The following PRSS27 variants were observed in gnomAD, a reference collection of about 807,000 sequenced individuals.
PRSS27 encodes the protein channel-activating protease 2.
A neutral mutation model predicts 32.0 loss-of-function variants in PRSS27; 25 were observed. The observed-to-expected ratio is 0.78, with a 90% CI of 0.57 to 1.09. PRSS27 has a LOEUF of 1.09. Ranked by LOEUF, PRSS27 falls within the 50% of genes least tolerant of loss-of-function variation. The pLI is 0.00. For synonymous variants in PRSS27, 178 were observed against 172.2 expected, an observed-to-expected ratio of 1.03 and a Z score of -0.26; for missense variants, 401 against 394.9, an observed-to-expected ratio of 1.02 and a Z score of -0.13.
intron 2 of PRSS27, 103 bp from the exon 3 acceptor site, chr16:2,715,983 T>G (rs2067700039): frequency 2.9e-6 from 3 of 1,050,746 alleles, no homozygotes; most frequent in Non-Finnish European, 4.0e-6. Context: ...CTCCTGCCCC[T>G]GACCTGCCCG....
intron 1 of PRSS27, among the ~76,000 whole-genome samples, chr16:2,719,109 C>G (rs1325586456): frequency 2.0e-5 from 3 of 152,206 alleles, no homozygotes. Context: ...GGAGTCCAGC[C>G]TCTGGTCACA....
rs540666969 is a variant in PRSS27 at position 2,712,879 on chromosome 16, C to T, written c.679-65G>A. The T allele has an allele frequency of 3.1e-6, 4 of 1,306,220 alleles. No individual in the cohort carries two copies. Among genetic ancestry groups the T allele is most frequent in the Non-Finnish European group, 4.1e-6 (4 of 973,444 alleles). 80.9% of individuals were successfully genotyped at this position (1,306,220 alleles called of 1,614,324 possible). On this transcript the variant is annotated intron_variant, in intron 5 of 5. Coordinates refer to ENST00000302641, the MANE Select transcript of PRSS27 (RefSeq NM_031948.5). This position sits in a 1 kb window ranked among gnomAD's most constrained non-coding sequence, Gnocchi z 4.6. ...GTTCCCAGAGACTCAGTTGCAGCCG[C>T]ACAGGAGGTGTGTAGCTCCGCAATG...
At chr16:2,713,236 C>T (rs981540840) in intron 5 of PRSS27, 16 of 462,528 alleles carry the variant, frequency 3.5e-5, no homozygotes, top group Non-Finnish European at 5.2e-5. Context: ...GTAGCTGGGA[C>T]TACAGGCGCC....
chr16:2,713,101 C>CTTTTTTTTTTTTT, intron 5 of PRSS27: 2 of 416,312 alleles, frequency 4.8e-6, no homozygotes, highest in Non-Finnish European at 4.3e-6. Flanking sequence ...TCTGCTTTTT[C>CTTTTTTTTTTTTT]TTTTTTTTTT....
Position 2,714,562 on chromosome 16 carries a change from T to C in PRSS27, c.237-226A>G. 1 of 594,086 alleles carries C rather than the reference T, an allele frequency of 1.7e-6. No homozygotes were observed. Among genetic ancestry groups the C allele is most frequent in the Non-Finnish European group, 3.0e-6 (1 of 332,050 alleles). 36.8% of individuals were successfully genotyped at this position (594,086 alleles called of 1,614,324 possible). ...TCCACCCCTGGCCGCTGTGTGGCCT[T>C]GGGCAAGTCACTTAACAAGTTCTCT... is the stretch of plus-strand genomic sequence containing the variant. On this transcript the variant is annotated intron_variant, in intron 3 of 5. Coordinates refer to ENST00000302641, the MANE Select transcript of PRSS27 (RefSeq NM_031948.5). This position sits in a 1 kb window ranked among gnomAD's most constrained non-coding sequence, Gnocchi z 4.7.
chr16:2,716,569 T>C, intron 1 of PRSS27, 43 bp from the exon 2 acceptor site: 1 of 1,575,004 alleles, frequency 6.3e-7, no homozygotes, highest in Admixed American at 1.8e-5. Flanking sequence ...AGCTGCAGCC[T>C]GGCCTGCCCT....
chr16:2,718,979 G>A (rs2067719099), intron 1 of PRSS27, among the ~76,000 whole-genome samples: 1 of 152,178 alleles, frequency 6.6e-6, no homozygotes, highest in Non-Finnish European at 1.5e-5. Flanking sequence ...CAGGAGCATT[G>A]TTTGGGGCCT....
At chr16:2,719,479 G>A (rs535632291) in intron 1 of PRSS27, among the ~76,000 whole-genome samples, 1 of 152,246 alleles carries the variant, frequency 6.6e-6, no homozygotes, top group East Asian at 1.9e-4. Context: ...AGAGTGTCCC[G>A]GCCCGCAGGG....
intron 1 of PRSS27, chr16:2,718,592 C>G (rs143892616): frequency 6.6e-6 from 1 of 152,254 alleles, no homozygotes; most frequent in African/African-American, 2.4e-5. Flanking sequence ...GCTGGCATTA[C>G]AGGCGTGAGC....
rs1361467501 is a variant in PRSS27 at position 2,712,494 on chromosome 16, G to T, written c.*126C>A. The T allele has an allele frequency of 1.4e-6, 1 of 723,460 alleles. No individual in the cohort carries two copies. Among genetic ancestry groups the T allele is most frequent in the South Asian group, 2.1e-5 (1 of 48,694 alleles). The allele number at this position is 723,460 out of a possible 1,614,324, so 44.8% of individuals were successfully genotyped here. ...GGTATTTGAGAGGGGAGGAAGGAGC[G>T]CTATTTACAAATGAGTCTGGTGGGG... is the stretch of plus-strand genomic sequence containing the variant. On this transcript the variant is annotated 3_prime_UTR_variant, in exon 6 of 6. Coordinates refer to ENST00000302641, the MANE Select transcript of PRSS27 (RefSeq NM_031948.5). This position sits in a 1 kb window ranked among gnomAD's most constrained non-coding sequence, Gnocchi z 4.6.
At chr16:2,713,849 C>T in intron 4 of PRSS27, 151 bp from the exon 5 acceptor site, 1 of 1,024,044 alleles carries the variant, frequency 9.8e-7, no homozygotes, top group Non-Finnish European at 1.4e-6. Flanking sequence ...CTCCCTCCTT[C>T]CAGGCAGCAG....
In PRSS27 at chr16:2,713,684, G is replaced by A; in HGVS notation, c.523C>T (p.Pro175Ser). 1.2e-6 allele frequency: 2 copies of A among 1,614,238 alleles called. No individual in the cohort carries two copies. Among genetic ancestry groups the A allele is most frequent in the Non-Finnish European group, 1.7e-6 (2 of 1,180,034 alleles). ...ACAGCGAGTTTCTGCAGGATCCGCG[G>A]TTCGGGCAGGAGGTCTGGAGAGGGG... ...SPSEEDLLPE[P>S]RILQKLAVPI... Residue 175 changes from proline to serine, a missense_variant, in exon 5 of 6, where the codon CCG becomes TCG. Coordinates refer to ENST00000302641, the MANE Select transcript of PRSS27 (RefSeq NM_031948.5).
chr16:2,715,968 C>G (rs1287594182), intron 2 of PRSS27, 88 bp from the exon 3 acceptor site: 9 of 1,206,440 alleles, frequency 7.5e-6, no homozygotes, highest in Non-Finnish European at 1.0e-5. Flanking sequence ...CTCCAGTCCT[C>G]GGCCCTCCTG....
intron 3 of PRSS27, 48 bp downstream of exon 3, chr16:2,715,670 C>T: frequency 6.7e-7 from 1 of 1,486,864 alleles, no homozygotes; most frequent in Non-Finnish European, 9.0e-7. Flanking sequence ...CGGTCGCGCG[C>T]GGGGCGCTGT....
chr16:2,714,555 G>A lies in PRSS27; in HGVS notation c.237-219C>T. Reference sequence around the variant, plus strand: ...TTCCACCTCCACCCCTGGCCGCTGTGTGGCCTTGGGCAAGTCACTTAACAA... The same window carrying A: ...TTCCACCTCCACCCCTGGCCGCTGTATGGCCTTGGGCAAGTCACTTAACAA... On this transcript the variant is annotated intron_variant, in intron 3 of 5. Transcript: ENST00000302641. This position sits in a 1 kb window ranked among gnomAD's most constrained non-coding sequence, Gnocchi z 4.7. The A allele has an allele frequency of 1.7e-6, 1 of 604,568 alleles. No individual in the cohort carries two copies. Among genetic ancestry groups the A allele is most frequent in the Non-Finnish European group, 3.0e-6 (1 of 338,774 alleles). The allele number at this position is 604,568 out of a possible 1,614,324, so 37.5% of individuals were successfully genotyped here.
Position 2,712,564 on chromosome 16 carries a change from T to C in PRSS27, c.*56A>G. On this transcript the variant is annotated 3_prime_UTR_variant, in exon 6 of 6. Transcript: ENST00000302641. This position sits in a 1 kb window ranked among gnomAD's most constrained non-coding sequence, Gnocchi z 4.6. ...CGCTGGGAGGACCAGCAGGATGGTG[T>C]GGGCGGGCAGGCTGGGTGCAGAGCT... The C allele has an allele frequency of 6.1e-6, 9 of 1,469,528 alleles. No individual in the cohort carries two copies. Among genetic ancestry groups the C allele is most frequent in the Non-Finnish European group, 8.3e-6 (9 of 1,084,166 alleles). 91.0% of individuals were successfully genotyped at this position (1,469,528 alleles called of 1,614,324 possible). A position where few individuals can be genotyped will look rare whatever the true frequency, so the allele number is the denominator to read the frequency against.
At position 2,712,492 on chromosome 16, in the gene PRSS27, G is replaced by T; in HGVS notation, c.*128C>A. 1 of 715,270 alleles carries T rather than the reference G, an allele frequency of 1.4e-6. No homozygotes were observed. The highest frequency in any genetic ancestry group is 2.3e-6 in the Non-Finnish European group (1 of 443,934). 44.3% of individuals were successfully genotyped at this position (715,270 alleles called of 1,614,324 possible). On this transcript the variant is annotated 3_prime_UTR_variant, in exon 6 of 6. Transcript: ENST00000302641. This position sits in a 1 kb window ranked among gnomAD's most constrained non-coding sequence, Gnocchi z 4.6. ...AGGGTATTTGAGAGGGGAGGAAGGA[G>T]CGCTATTTACAAATGAGTCTGGTGG...
chr16:2,715,489 T>C (rs1287194688), intron 3 of PRSS27: 1 of 457,490 alleles, frequency 2.2e-6, no homozygotes, highest in Non-Finnish European at 3.8e-6. Flanking sequence ...ATGGAGGGGG[T>C]CGGGGGGCGG....
rs1412474071 is a variant in PRSS27 at position 2,715,707 on chromosome 16, G to A, written c.236+11C>T. 6 of 1,522,000 alleles carry A rather than the reference G, an allele frequency of 3.9e-6. No individual in the cohort carries two copies. Among genetic ancestry groups the A allele is most frequent in the South Asian group, 2.5e-5 (2 of 79,600 alleles). 94.3% of individuals were successfully genotyped at this position (1,522,000 alleles called of 1,614,324 possible). ...AGCGCTATGGGCGGGGGCAGGGGCG[G>A]GCGGACTCACTTGCGGAAGCAGTGC... On this transcript the variant is annotated intron_variant, in intron 3 of 5. Coordinates refer to ENST00000302641, the MANE Select transcript of PRSS27 (RefSeq NM_031948.5).
Sources: allele counts gnomAD v4.1 joint callset (sites outside exome capture counted in the v4.1 genomes callset), GRCh38; gene constraint gnomAD v4.1.1; non-coding constraint Gnocchi (gnomAD v3.1); transcripts MANE v1.5; gene names NCBI Gene and HGNC (gene_info 2026-07-23, HGNC 2026-07-21).